PLA2G4A: variants seen among roughly 807,000 people sequenced by gnomAD.
PLA2G4A encodes the protein phospholipase A2 group IVA.
Under a neutral mutation model 81.9 loss-of-function variants are expected in PLA2G4A, and 40 were observed. The ratio of observed to expected loss-of-function variants is 0.49; its 90% CI spans 0.38 to 0.64. The LOEUF (loss-of-function observed/expected upper bound fraction) is 0.64, where lower values mean the gene tolerates loss of function less well. PLA2G4A is among the 30% of genes least tolerant of loss of function. PLA2G4A has a pLI of 0.00. For synonymous variants in PLA2G4A, 302 were observed against 296.9 expected (o/e 1.02, Z -0.18); for missense variants, 715 against 905.1 (o/e 0.79, Z 2.69).
At chr1:186,931,779 A>G (rs1655755624) in intron 7 of PLA2G4A, among the ~76,000 whole-genome samples, 1 of 152,118 alleles carries the variant, frequency 6.6e-6, no homozygotes, top group Non-Finnish European at 1.5e-5. Context: ...CAATGCATTC[A>G]TGTTGTATAT....
rs566864630 is a variant in PLA2G4A, at chr1:186,848,826, T to A, written c.-69-5460T>A. Among the ~76,000 whole-genome samples, 11 of 152,162 alleles carry A rather than the reference T, an allele frequency of 7.2e-5. No homozygotes were observed. In the South Asian group the frequency reaches 2.3e-3, roughly 32 times the overall value. On this transcript the variant is annotated intron_variant, in intron 1 of 17. Transcript: ENST00000367466. ...CTTGGACAGTTAGCTATCTTAAGCA[T>A]ATTTCTTGCTTTGGATTTAATATCA...
intron 2 of PLA2G4A, among the ~76,000 whole-genome samples, chr1:186,862,633 T>C (rs1049477080): frequency 3.0e-4 from 46 of 152,200 alleles, no homozygotes; most frequent in South Asian, 2.1e-4. Context: ...TATTTTCAAG[T>C]GTATTGGATC....
intron 7 of PLA2G4A, among the ~76,000 whole-genome samples, chr1:186,919,972 G>A (rs6675578): frequency 0.29 from 44,576 of 151,976 alleles, 8,630 homozygotes; most frequent in African/African-American, 0.54. Flanking sequence ...TCCTTTGAGA[G>A]CTTCTCTGGG....
intron 10 of PLA2G4A, among the ~76,000 whole-genome samples, chr1:186,940,692 CA>C (rs1656120151): frequency 6.6e-6 from 1 of 152,068 alleles, no homozygotes; most frequent in South Asian, 2.1e-4. Flanking sequence ...TTACAAGGAA[CA>C]AAAGTCTGTA....
rs554491361 is a variant in PLA2G4A, at chr1:186,977,479, A to G, written c.1765-114A>G. ...AACAGGGTCGTGATTCATCCTAGCAAGGAGTACATTGCTGGCACACAGTAG... is the reference window on the plus strand; with the variant it reads ...AACAGGGTCGTGATTCATCCTAGCAGGGAGTACATTGCTGGCACACAGTAG... On this transcript the variant is annotated intron_variant, in intron 15 of 17. Coordinates refer to ENST00000367466, the MANE Select transcript of PLA2G4A (RefSeq NM_024420.3). 1.7e-5 allele frequency: 12 copies of G among 711,074 alleles called. No individual in the cohort carries two copies. In the African/African-American group the frequency reaches 1.8e-4, roughly 10 times the overall value. The allele number at this position is 711,074 out of a possible 1,614,324, so 44.0% of individuals were successfully genotyped here.
intron 3 of PLA2G4A, among the ~76,000 whole-genome samples, chr1:186,877,341 A>G (rs978333466): frequency 1.1e-4 from 17 of 152,042 alleles, no homozygotes; most frequent in Admixed American, 9.8e-4. Context: ...AATGTGACCC[A>G]TTATTATCAC....
At chr1:186,943,011 GA>G (rs1656209607) in intron 10 of PLA2G4A, among the ~76,000 whole-genome samples, 1 of 151,976 alleles carries the variant, frequency 6.6e-6, no homozygotes, top group Non-Finnish European at 1.5e-5. Flanking sequence ...GAGTTACTGG[GA>G]AAAAAAGAAT....
intron 3 of PLA2G4A, among the ~76,000 whole-genome samples, chr1:186,872,757 A>G (rs578011726): frequency 2.0e-5 from 3 of 152,246 alleles, no homozygotes; most frequent in South Asian, 4.1e-4. Context: ...TTGAATTGAT[A>G]TTGATAATAT....
chr1:186,962,166 CT>C, intron 14 of PLA2G4A, among the ~76,000 whole-genome samples: 1 of 151,950 alleles, frequency 6.6e-6, no homozygotes, highest in South Asian at 2.1e-4. Flanking sequence ...AGTAGTGATG[CT>C]GACATAGTGT....
At chr1:186,866,691 G>A (rs1653044925) in intron 2 of PLA2G4A, among the ~76,000 whole-genome samples, 1 of 152,058 alleles carries the variant, frequency 6.6e-6, no homozygotes, top group Admixed American at 6.6e-5. Flanking sequence ...TATGATACAA[G>A]GAAGGTTCCT....
At chr1:186,915,059 A>G (rs1482336005) in intron 7 of PLA2G4A, among the ~76,000 whole-genome samples, 1 of 152,180 alleles carries the variant, frequency 6.6e-6, no homozygotes, top group Non-Finnish European at 1.5e-5. Context: ...AACTCTTATT[A>G]TAAGAGTTTT....
Position 186,839,525 on chromosome 1 carries a change from A to G in PLA2G4A, c.-70+10490A>G, listed in dbSNP as rs1651902940. Among the ~76,000 whole-genome samples the G allele has an allele frequency of 3.3e-5, 5 of 152,326 alleles. No homozygotes were observed. In the South Asian group the frequency reaches 1.0e-3, roughly 32 times the overall value. On this transcript the variant is annotated intron_variant, in intron 1 of 17. Coordinates refer to ENST00000367466, the MANE Select transcript of PLA2G4A (RefSeq NM_024420.3). Reference sequence around the variant, plus strand: ...TCCAAAGAACCCATTGAGGCATTATATCTCATCCGCAGAACCTCAACTGAA... The same window carrying G: ...TCCAAAGAACCCATTGAGGCATTATGTCTCATCCGCAGAACCTCAACTGAA...
intron 8 of PLA2G4A, 101 bp downstream of exon 8, chr1:186,933,000 T>A: frequency 1.2e-6 from 1 of 868,058 alleles, no homozygotes; most frequent in Non-Finnish European, 1.9e-6. Flanking sequence ...AATTGATCAT[T>A]AATTTAAATT....
At chr1:186,949,387 G>A (rs1044495078) in intron 12 of PLA2G4A, among the ~76,000 whole-genome samples, 19 of 145,192 alleles carry the variant, frequency 1.3e-4, no homozygotes, top group African/African-American at 3.0e-4. Context: ...AAGAAAGAAA[G>A]AAAAAAGAAA....
At chr1:186,893,586 A>T (rs1158687020) in intron 4 of PLA2G4A, among the ~76,000 whole-genome samples, 2 of 152,172 alleles carry the variant, frequency 1.3e-5, no homozygotes, top group African/African-American at 4.8e-5. Context: ...TGAATAAATC[A>T]ATCAGGAAAA....
chr1:186,868,378 C>T (rs575804544), intron 2 of PLA2G4A, among the ~76,000 whole-genome samples: 10 of 152,182 alleles, frequency 6.6e-5, no homozygotes, highest in South Asian at 2.1e-4. Flanking sequence ...GGGCCCCGCC[C>T]GGTGTCTAAT....
At chr1:186,918,974 A>G (rs1040738110) in intron 7 of PLA2G4A, among the ~76,000 whole-genome samples, 1 of 152,230 alleles carries the variant, frequency 6.6e-6, no homozygotes, top group African/African-American at 2.4e-5. Context: ...TTGGAAACCC[A>G]TCTAGTTGTT....
chr1:186,896,929 C>T (rs1010754375), intron 5 of PLA2G4A, among the ~76,000 whole-genome samples: 8 of 152,010 alleles, frequency 5.3e-5, no homozygotes, highest in Non-Finnish European at 8.8e-5. Flanking sequence ...CCTGTGCCAG[C>T]CACCCAGCTA....
At position 186,932,614 on chromosome 1, in the gene PLA2G4A, TTAAAA is replaced by T; in HGVS notation, c.559-148_559-144del. On this transcript the variant is annotated intron_variant, in intron 7 of 17. Transcript: ENST00000367466. ...CTGCACCCGGCCTTATTTTCTTCTT[TTAAAA>T]AATTAGGCATTACTAAAGTATGAAG... 87 of 274,344 alleles carry T rather than the reference TTAAAA, an allele frequency of 3.2e-4. 28 individuals carry two copies. Among genetic ancestry groups the T allele is most frequent in the Middle Eastern group, 8.2e-4 (1 of 1,214 alleles). The allele number at this position is 274,344 out of a possible 1,614,324, so 17.0% of individuals were successfully genotyped here.
Sources: gnomAD v4.1 joint callset for allele counts (sites outside exome capture counted in the v4.1 genomes callset) on GRCh38, gnomAD v4.1.1 for gene constraint, MANE v1.5 for transcripts, NCBI Gene and HGNC (gene_info 2026-07-23, HGNC 2026-07-21) for gene names.